PARP4: variants seen among roughly 807,000 people sequenced by gnomAD.
PARP4 encodes the protein protein mono-ADP-ribosyltransferase PARP4.
A neutral mutation model predicts 187.7 loss-of-function variants in PARP4; 120 were observed. The observed-to-expected ratio is 0.64, with a 90% CI of 0.55 to 0.74. The LOEUF is 0.74. Ranked by LOEUF, PARP4 falls within the 30% of genes least tolerant of loss-of-function variation. PARP4 has a pLI of 0.00. For synonymous variants in PARP4, 654 were observed against 740.9 expected, an observed-to-expected ratio of 0.88 and a Z score of 1.90; for missense variants, 1,836 against 2,070.5, an observed-to-expected ratio of 0.89 and a Z score of 2.20.
At chr13:24,423,945 G>A (rs1045972554) in intron 33 of PARP4, among the ~76,000 whole-genome samples, 2 of 152,092 alleles carry the variant, frequency 1.3e-5, no homozygotes, top group African/African-American at 4.8e-5. Context: ...TTACAGGTGT[G>A]AGCCACCGTG....
At chr13:24,490,963 GA>G in intron 9 of PARP4, 135 bp from the exon 10 acceptor site, 2 of 788,344 alleles carry the variant, frequency 2.5e-6, no homozygotes, top group Non-Finnish European at 4.0e-6. Flanking sequence ...ATTTATTTTT[GA>G]GATGGGTCTT....
Position 24,433,321 on chromosome 13 carries a change from G to A in PARP4, c.4746+1074C>T, listed in dbSNP as rs150581680. Among the ~76,000 whole-genome samples, 204 of 152,264 alleles carry A rather than the reference G, an allele frequency of 1.3e-3. 1 individual carries two copies. Among genetic ancestry groups the A allele is most frequent in the African/African-American group, 4.7e-3 (196 of 41,536 alleles). Reference sequence around the variant, plus strand: ...ATACCGTGGGCTCCCAGAGCTCGGGGCCTTCGCAGCCTCCACCATAGTGAT... The same window carrying A: ...ATACCGTGGGCTCCCAGAGCTCGGGACCTTCGCAGCCTCCACCATAGTGAT... On this transcript the variant is annotated intron_variant, in intron 31 of 33. Coordinates refer to ENST00000381989, the MANE Select transcript of PARP4 (RefSeq NM_006437.4).
chr13:24,483,992 T>C (rs1261992624), intron 12 of PARP4, among the ~76,000 whole-genome samples: 1 of 152,178 alleles, frequency 6.6e-6, no homozygotes, highest in South Asian at 2.1e-4. Context: ...ATAGGATTGT[T>C]TATCTTTTCC....
rs1383556281 is a variant in PARP4 at position 24,475,456 on chromosome 13, G to A, written c.1914+16C>T. 6.2e-7 allele frequency: 1 copy of A among 1,609,400 alleles called. No homozygotes were observed. The highest frequency in any genetic ancestry group is 8.5e-7 in the Non-Finnish European group (1 of 1,176,110). ...ATCCATGTAGTTTAAGTGTCATAAA[G>A]CCACAGACAACATACCTGGGCTACA... On this transcript the variant is annotated intron_variant, in intron 15 of 33. Transcript: ENST00000381989.
rs775005723 is a variant in PARP4, at chr13:24,490,731, T to C, written c.1151A>G (p.His384Arg). 19 of 1,613,952 alleles carry C rather than the reference T, an allele frequency of 1.2e-5. No individual in the cohort carries two copies. Among genetic ancestry groups the C allele is most frequent in the Non-Finnish European group, 1.5e-5 (18 of 1,179,912 alleles). The change falls in exon 10 of 34, where the codon CAT (histidine) becomes CGT (arginine). Residue 384 changes from histidine (H) to arginine (R), a missense_variant. Physicochemically the swap from His to Arg is conservative, Grantham distance 29. This residue lies in a region of PARP4 where 1,147 missense variants were observed against 1,214.2 expected (regional missense o/e 0.94). Transcript: ENST00000381989. ...AAATTCTTCAGTATTCTGTTCAACA[T>C]GCTCAATTTTGCACCTCAAAGCTCG... ...KYRALRCKIE[H>R]VEQNTEEFLR...
intron 6 of PARP4, 123 bp downstream of exon 6, chr13:24,497,993 T>C (rs577426339): frequency 2.1e-5 from 13 of 614,296 alleles, no homozygotes; most frequent in Non-Finnish European, 3.7e-5. Context: ...GTTGCATTTA[T>C]TAATAGCAGC....
Position 24,499,261 on chromosome 13 carries a change from G to GTTTTT in PARP4, c.477+35_477+39dup. 12 of 1,329,722 alleles carry GTTTTT rather than the reference G, an allele frequency of 9.0e-6. 1 individual carries two copies. The highest frequency in any genetic ancestry group is 5.8e-5 in the Admixed American group (2 of 34,276). 82.4% of individuals were successfully genotyped at this position (1,329,722 alleles called of 1,614,324 possible). ...ACCCAGAAGACATTCAAACAGGTGT[G>GTTTTT]TTTTTTTTTTTTTTTGCTAACTAGA... On this transcript the variant is annotated intron_variant, in intron 5 of 33. Coordinates refer to ENST00000381989, the MANE Select transcript of PARP4 (RefSeq NM_006437.4).
chr13:24,487,999 AAAGT>A (rs1868417828), intron 10 of PARP4, among the ~76,000 whole-genome samples: 1 of 152,236 alleles, frequency 6.6e-6, no homozygotes, highest in Non-Finnish European at 1.5e-5. Flanking sequence ...TAACTAGAAA[AAAGT>A]AATATAAAGA....
rs1190779632 is a variant in PARP4 at position 24,449,662 on chromosome 13, G to A, written c.3114+56C>T. The A allele has an allele frequency of 3.5e-5, 34 of 983,634 alleles. No individual in the cohort carries two copies. The Admixed American group carries it at 4.6e-4, about 13-fold the overall frequency. The allele number at this position is 983,634 out of a possible 1,614,324, so 60.9% of individuals were successfully genotyped here. A position where few individuals can be genotyped will look rare whatever the true frequency, so the allele number is the denominator to read the frequency against. ...ACAGATATTCCTATTTCTTAGTCTC[G>A]GAAGAATAAGAGATTTCCAAACATA... On this transcript the variant is annotated intron_variant, in intron 25 of 33. Coordinates refer to ENST00000381989, the MANE Select transcript of PARP4 (RefSeq NM_006437.4).
intron 1 of PARP4, among the ~76,000 whole-genome samples, chr13:24,507,048 G>C (rs924409974): frequency 6.6e-6 from 1 of 152,198 alleles, no homozygotes; most frequent in Non-Finnish European, 1.5e-5. Flanking sequence ...CTGCTGGCCC[G>C]GACGCTAAGC....
chr13:24,437,658 C>T (rs1870697227), intron 30 of PARP4, among the ~76,000 whole-genome samples: 4 of 152,118 alleles, frequency 2.6e-5, no homozygotes. Context: ...GTCACCAATA[C>T]ATTTTTCACC....
chr13:24,491,738 C>G (rs1868665871), intron 9 of PARP4, among the ~76,000 whole-genome samples: 1 of 152,222 alleles, frequency 6.6e-6, no homozygotes, highest in Non-Finnish European at 1.5e-5. Context: ...CTGCTTCTCT[C>G]CTGGCAGCTC....
chr13:24,447,406 G>A (rs1166401099), intron 25 of PARP4, among the ~76,000 whole-genome samples: 1 of 152,126 alleles, frequency 6.6e-6, no homozygotes, highest in African/African-American at 2.4e-5. Context: ...TGTCGCCCAG[G>A]CGGGAGTGCA....
chr13:24,445,211 T>C (rs7325699), intron 27 of PARP4, among the ~76,000 whole-genome samples: 7,744 of 152,168 alleles, frequency 0.051, 572 homozygotes, highest in African/African-American at 0.16. Flanking sequence ...TGGATTATTT[T>C]ATAGACCAAA....
intron 24 of PARP4, among the ~76,000 whole-genome samples, chr13:24,450,791 G>T (rs1220984782): frequency 1.3e-5 from 2 of 152,196 alleles, no homozygotes; most frequent in Non-Finnish European, 2.9e-5. Flanking sequence ...CCAGGCATGG[G>T]CGGTGCTAAC....
At chr13:24,451,621 G>A (rs1480757349) in intron 24 of PARP4, among the ~76,000 whole-genome samples, 1 of 150,126 alleles carries the variant, frequency 6.7e-6, no homozygotes, top group Non-Finnish European at 1.5e-5. Flanking sequence ...AGAAGCTGAG[G>A]ATCTGCTCCA....
Position 24,446,997 on chromosome 13 carries a change from A to C in PARP4, c.3285+19T>G, listed in dbSNP as rs112991963. 22,290 of 1,460,278 alleles carry C rather than the reference A, an allele frequency of 0.015. 1,107 individuals are homozygous for C. In the African/African-American group the frequency reaches 0.2, roughly 13 times the overall value. The allele number at this position is 1,460,278 out of a possible 1,614,324, so 90.5% of individuals were successfully genotyped here. A position where few individuals can be genotyped will look rare whatever the true frequency, so the allele number is the denominator to read the frequency against. ...TATATTGGTCTTCCCATAGAATAAC[A>C]AACTCTGCGTCTTCTTACCTGTGTG... is the stretch of plus-strand genomic sequence containing the variant. On this transcript the variant is annotated intron_variant, in intron 26 of 33. Transcript: ENST00000381989.
intron 12 of PARP4, among the ~76,000 whole-genome samples, chr13:24,483,920 C>T (rs1873415055): frequency 2.0e-5 from 3 of 152,196 alleles, no homozygotes; most frequent in Admixed American, 6.5e-5. Flanking sequence ...AGCTACTGCG[C>T]CTGGCCCCAG....
At chr13:24,476,180 T>C (rs1484782095) in intron 14 of PARP4, among the ~76,000 whole-genome samples, 2 of 152,010 alleles carry the variant, frequency 1.3e-5, no homozygotes, top group Non-Finnish European at 2.9e-5. Context: ...AGTTTCACTA[T>C]GTTGCCCAGG....
Sources: gnomAD v4.1 joint callset for allele counts (sites outside exome capture counted in the v4.1 genomes callset) on GRCh38, gnomAD v4.1.1 for gene constraint, gnomAD v4.1.1 regional missense constraint, MANE v1.5 for transcripts, NCBI Gene and HGNC (gene_info 2026-07-23, HGNC 2026-07-21) for gene names.